TMEFF2: variants seen among roughly 807,000 people sequenced by gnomAD.
TMEFF2 encodes tomoregulin-2.
A neutral mutation model predicts 53.8 loss-of-function variants in TMEFF2; 28 were observed. That is an observed-to-expected ratio of 0.52 (90% CI 0.39 to 0.71). The LOEUF is 0.71. Ranked by LOEUF, TMEFF2 falls within the 30% of genes least tolerant of loss-of-function variation. The pLI, the probability that TMEFF2 is intolerant of heterozygous loss-of-function variation, is 0.00. For missense variants in TMEFF2, 353 were observed against 455.2 expected, an observed-to-expected ratio of 0.78 and a Z score of 2.04; for synonymous variants, 162 against 166.3, an observed-to-expected ratio of 0.97 and a Z score of 0.20.
At chr2:192,153,150 T>C (rs1257438672) in intron 4 of TMEFF2, among the ~76,000 whole-genome samples, 2 of 151,602 alleles carry the variant, frequency 1.3e-5, no homozygotes, top group African/African-American at 4.8e-5. Context: ...AGTTAGTTTA[T>C]TTGCTTAAAA....
intron 5 of TMEFF2, among the ~76,000 whole-genome samples, chr2:192,017,464 A>G (rs1424186703): frequency 6.6e-6 from 1 of 152,162 alleles, no homozygotes; most frequent in African/African-American, 2.4e-5. Context: ...AATATAGTGG[A>G]GAAATGTGGA....
chr2:192,160,113 T>G (rs1430732571), intron 4 of TMEFF2, among the ~76,000 whole-genome samples: 2 of 152,136 alleles, frequency 1.3e-5, no homozygotes, highest in Non-Finnish European at 2.9e-5. Flanking sequence ...TTTGAGAGAC[T>G]TAGGCCTCTT....
intron 7 of TMEFF2, among the ~76,000 whole-genome samples, chr2:191,962,666 T>G (rs545622368): frequency 1.1e-4 from 17 of 152,364 alleles, no homozygotes; most frequent in African/African-American, 3.6e-4. Flanking sequence ...ACATTTTCAC[T>G]TGACATCCAA....
chr2:192,070,030 A>G (rs377051685), intron 4 of TMEFF2, among the ~76,000 whole-genome samples: 59,841 of 130,318 alleles, frequency 0.46, 15,047 homozygotes, highest in East Asian at 0.56. Flanking sequence ...ATATATATAT[A>G]TATATATATA....
At chr2:192,125,998 C>T (rs967985076) in intron 4 of TMEFF2, among the ~76,000 whole-genome samples, 8 of 152,164 alleles carry the variant, frequency 5.3e-5, no homozygotes, top group Non-Finnish European at 1.0e-4. Flanking sequence ...CAAACCCGCA[C>T]ATCCTGCACA....
intron 7 of TMEFF2, among the ~76,000 whole-genome samples, chr2:191,986,645 G>A (rs1685982442): frequency 6.6e-6 from 1 of 151,268 alleles, no homozygotes; most frequent in African/African-American, 2.4e-5. Context: ...AGATCACAAG[G>A]TCAGGAGTTT....
intron 5 of TMEFF2, among the ~76,000 whole-genome samples, chr2:192,006,319 GACA>G (rs1233909354): frequency 6.6e-6 from 1 of 152,102 alleles, no homozygotes; most frequent in African/African-American, 2.4e-5. Context: ...AATAGACTAG[GACA>G]ACAAATAGCC....
chr2:192,048,361 A>AACACACACACACACACAC lies in TMEFF2; in HGVS notation c.536+9300_536+9317dup, dbSNP rs3053696. Among the ~76,000 whole-genome samples, 379 of 143,250 alleles carry AACACACACACACACACAC rather than the reference A, an allele frequency of 2.6e-3. 4 individuals carry two copies. Among genetic ancestry groups the AACACACACACACACACAC allele is most frequent in the African/African-American group, 3.9e-3 (148 of 38,330 alleles). 94.0% of individuals were successfully genotyped at this position (143,250 alleles called of 152,430 possible). On this transcript the variant is annotated intron_variant, in intron 5 of 9. Coordinates refer to ENST00000272771, the MANE Select transcript of TMEFF2 (RefSeq NM_016192.4). ...GTAAAATATTATTAGATTCTCATAAAACACACACACACACACACACACACA... is the reference window on the plus strand; with the variant it reads ...GTAAAATATTATTAGATTCTCATAAAACACACACACACACACACACACACACACACACACACACACACA...
At chr2:192,092,070 T>C (rs1419367839) in intron 4 of TMEFF2, among the ~76,000 whole-genome samples, 2 of 152,138 alleles carry the variant, frequency 1.3e-5, no homozygotes, top group Non-Finnish European at 2.9e-5. Context: ...AACAGCTCTT[T>C]CCCTCAATAA....
Position 191,949,750 on chromosome 2 carries a change from C to A in TMEFF2, c.*561G>T. Reference sequence around the variant, plus strand: ...CTGCTCTAGGGATGAAAATGGAAGACCAGGGAAGAAAGTTGATGAAATAGA... The same window carrying A: ...CTGCTCTAGGGATGAAAATGGAAGAACAGGGAAGAAAGTTGATGAAATAGA... On this transcript the variant is annotated 3_prime_UTR_variant, in exon 10 of 10. Transcript: ENST00000272771. The A allele has an allele frequency of 2.0e-6, 2 of 985,176 alleles. No individual in the cohort carries two copies. The highest frequency in any genetic ancestry group is 2.4e-6 in the Non-Finnish European group (2 of 829,824). 61.0% of individuals were successfully genotyped at this position (985,176 alleles called of 1,614,324 possible).
In TMEFF2 at chr2:192,194,307, T is replaced by A. The variant is rs1361597567; in HGVS notation, c.172+46A>T. The A allele has an allele frequency of 6.2e-6, 10 of 1,606,362 alleles. No homozygotes were observed. In the East Asian group the frequency reaches 2.2e-4, roughly 36 times the overall value. ...GGCTGGTCTGTGCTGGATACGCGTG[T>A]TCTTCTGCGGAGTTAAAGGGTCGGG... On this transcript the variant is annotated intron_variant, in intron 1 of 9. Transcript: ENST00000272771. The surrounding 1 kb of genome is among the most constrained non-coding windows in gnomAD (Gnocchi z 4.2).
intron 5 of TMEFF2, among the ~76,000 whole-genome samples, chr2:192,008,416 C>T (rs1686551589): frequency 6.6e-6 from 1 of 152,202 alleles, no homozygotes; most frequent in South Asian, 2.1e-4. Context: ...TTAGAAGTAG[C>T]TGCATTTACA....
At chr2:192,103,875 C>A (rs148636120) in intron 4 of TMEFF2, among the ~76,000 whole-genome samples, 3 of 151,328 alleles carry the variant, frequency 2.0e-5, no homozygotes, top group Non-Finnish European at 4.4e-5. Context: ...GATAGTGCTA[C>A]GAGATAAAAT....
chr2:192,082,080 G>A (rs1021828601), intron 4 of TMEFF2, among the ~76,000 whole-genome samples: 2 of 152,110 alleles, frequency 1.3e-5, no homozygotes, highest in Non-Finnish European at 2.9e-5. Context: ...GATTACAGGC[G>A]TGAGCCACCG....
intron 4 of TMEFF2, among the ~76,000 whole-genome samples, chr2:192,077,068 G>A (rs1427533774): frequency 6.6e-6 from 1 of 152,144 alleles, no homozygotes; most frequent in African/African-American, 2.4e-5. Context: ...CTGATGAGTA[G>A]GGTTACAATG....
At chr2:191,964,372 C>CCCTT in intron 7 of TMEFF2, among the ~76,000 whole-genome samples, 1 of 77,608 alleles carries the variant, frequency 1.3e-5, no homozygotes, top group Admixed American at 1.4e-4. Context: ...TTCTTTCTTT[C>CCCTT]TCTTTCTTTC....
chr2:191,982,551 T>TC, intron 7 of TMEFF2, among the ~76,000 whole-genome samples: 4 of 151,300 alleles, frequency 2.6e-5, no homozygotes, highest in Admixed American at 2.6e-4. Flanking sequence ...TACACTAGTT[T>TC]CAAAATTACA....
intron 4 of TMEFF2, among the ~76,000 whole-genome samples, chr2:192,099,508 GCT>G (rs1397761620): frequency 6.6e-6 from 1 of 152,096 alleles, no homozygotes; most frequent in Non-Finnish European, 1.5e-5. Flanking sequence ...GGTTGGCAAT[GCT>G]CTGTTTTTCT....
At chr2:192,037,369 A>C (rs1318226819) in intron 5 of TMEFF2, among the ~76,000 whole-genome samples, 2 of 150,276 alleles carry the variant, frequency 1.3e-5, no homozygotes, top group Non-Finnish European at 3.0e-5. Context: ...CTCTCACTTA[A>C]GTTTTTTTTC....
Sources: gnomAD v4.1 joint callset for allele counts (sites outside exome capture counted in the v4.1 genomes callset) on GRCh38, gnomAD v4.1.1 for gene constraint, Gnocchi (gnomAD v3.1) non-coding constraint, MANE v1.5 for transcripts, NCBI Gene and HGNC (gene_info 2026-07-23, HGNC 2026-07-21) for gene names.